PRKG1: variants seen among roughly 807,000 people sequenced by gnomAD.
The protein encoded by PRKG1 is protein kinase cGMP-dependent 1.
PRKG1 carries 35 observed loss-of-function variants against 88.1 expected under a neutral mutation model. That is an observed-to-expected ratio of 0.40 (90% confidence interval 0.30 to 0.53). The LOEUF (loss-of-function observed/expected upper bound fraction) is 0.53, where lower values mean the gene tolerates loss of function less well. Ranked by LOEUF, PRKG1 falls within the 20% of genes least tolerant of loss-of-function variation. The probability of loss-of-function intolerance (pLI) is 0.59; values close to 1 mark genes in which losing one functional copy is unlikely to be tolerated. For missense variants in PRKG1, 540 were observed against 839.8 expected, an observed-to-expected ratio of 0.64 and a Z score of 4.41; for synonymous variants, 303 against 292.5, an observed-to-expected ratio of 1.04 and a Z score of -0.37.
At chr10:52,114,452 C>CT (rs934974543) in intron 7 of PRKG1, among the ~76,000 whole-genome samples, 101 of 148,472 alleles carry the variant, frequency 6.8e-4, no homozygotes, top group Middle Eastern at 3.5e-3. Flanking sequence ...TCTTTTCGTT[C>CT]TTTTTTTTTT....
At chr10:51,719,565 A>G (rs938206456) in intron 3 of PRKG1, among the ~76,000 whole-genome samples, 1 of 152,234 alleles carries the variant, frequency 6.6e-6, no homozygotes, top group Non-Finnish European at 1.5e-5. Flanking sequence ...CTAAGGAGAT[A>G]CAACAGTTAA....
intron 5 of PRKG1, among the ~76,000 whole-genome samples, chr10:51,973,182 A>T (rs1049655254): frequency 6.6e-6 from 1 of 152,142 alleles, no homozygotes; most frequent in Non-Finnish European, 1.5e-5. Flanking sequence ...TGGCTTCATT[A>T]GCACCTCCAG....
chr10:51,175,620 T>C (rs1411332591), intron 2 of PRKG1, among the ~76,000 whole-genome samples: 3 of 152,052 alleles, frequency 2.0e-5, no homozygotes, highest in Non-Finnish European at 4.4e-5. Context: ...ATAAAATTCC[T>C]GAGATATATA....
chr10:51,271,038 C>T lies in PRKG1; in HGVS notation c.478+117708C>T, dbSNP rs1243434343. Among the ~76,000 whole-genome samples the T allele has an allele frequency of 2.0e-5, 3 of 152,142 alleles. No homozygotes were observed. In the East Asian group the frequency reaches 5.8e-4, roughly 29 times the overall value. Reference sequence around the variant, plus strand: ...GTTTTGTCAGTGAGAAATCTAAAACCTTGAGTCATTCAACTCATTTAGGAT... The same window carrying T: ...GTTTTGTCAGTGAGAAATCTAAAACTTTGAGTCATTCAACTCATTTAGGAT... On this transcript the variant is annotated intron_variant, in intron 2 of 17. Transcript: ENST00000373980.
At chr10:52,046,112 A>AT (rs559588539) in intron 5 of PRKG1, among the ~76,000 whole-genome samples, 13 of 152,042 alleles carry the variant, frequency 8.6e-5, no homozygotes, top group East Asian at 1.9e-4. Context: ...TACTATTGTG[A>AT]TTTTTTTGTG....
intron 8 of PRKG1, among the ~76,000 whole-genome samples, chr10:52,158,762 T>C (rs1838194539): frequency 6.6e-6 from 1 of 151,584 alleles, no homozygotes; most frequent in Non-Finnish European, 1.5e-5. Context: ...GTAAAGATTA[T>C]TTATTAAGGA....
intron 4 of PRKG1, among the ~76,000 whole-genome samples, chr10:51,825,679 G>A (rs1839865494): frequency 6.6e-6 from 1 of 152,138 alleles, no homozygotes; most frequent in Admixed American, 6.6e-5. Context: ...ACAATAAGGA[G>A]TAATCTAAAC....
intron 3 of PRKG1, among the ~76,000 whole-genome samples, chr10:51,648,536 C>G (rs17626982): frequency 6.6e-6 from 1 of 152,056 alleles, no homozygotes; most frequent in African/African-American, 2.4e-5. Flanking sequence ...CACTAATCTT[C>G]GCAGTGTTCC....
At chr10:51,496,518 A>T (rs1231186522) in intron 3 of PRKG1, among the ~76,000 whole-genome samples, 1 of 152,156 alleles carries the variant, frequency 6.6e-6, no homozygotes, top group African/African-American at 2.4e-5. Flanking sequence ...GTTAATGGAA[A>T]TGTTCACAGA....
At chr10:51,816,730 C>A (rs536836026) in intron 4 of PRKG1, among the ~76,000 whole-genome samples, 1 of 152,200 alleles carries the variant, frequency 6.6e-6, no homozygotes, top group East Asian at 1.9e-4. Flanking sequence ...CCCAGAAGAA[C>A]TCCAATTAAG....
At chr10:51,171,857 T>C (rs1837034613) in intron 2 of PRKG1, among the ~76,000 whole-genome samples, 1 of 152,096 alleles carries the variant, frequency 6.6e-6, no homozygotes, top group South Asian at 2.1e-4. Context: ...GTTTCCTTAA[T>C]AATAAATTAA....
At chr10:52,177,763 T>C (rs1409439644) in intron 9 of PRKG1, among the ~76,000 whole-genome samples, 1 of 152,014 alleles carries the variant, frequency 6.6e-6, no homozygotes, top group Middle Eastern at 3.2e-3. Flanking sequence ...TTTCTCTAGG[T>C]TTTCAAATTT....
chr10:51,063,066 C>T (rs1843711071), intron 1 of PRKG1: 1 of 152,164 alleles, frequency 6.6e-6, no homozygotes, highest in Admixed American at 6.5e-5. Context: ...GAGAAACATT[C>T]TGTTTTTCTG....
At chr10:51,008,353 C>T (rs185398758) in intron 1 of PRKG1, among the ~76,000 whole-genome samples, 6 of 152,268 alleles carry the variant, frequency 3.9e-5, no homozygotes, top group Non-Finnish European at 1.5e-5. Context: ...TGGAACACAT[C>T]GCCACAAACT....
Position 52,140,917 on chromosome 10 carries a change from G to A in PRKG1, c.1001+7012G>A, listed in dbSNP as rs115204526. 4.7e-3 allele frequency among the ~76,000 whole-genome samples: 713 copies of A among 152,162 alleles called. 4 individuals are homozygous for A. Among genetic ancestry groups the A allele is most frequent in the Middle Eastern group, 6.8e-3 (2 of 294 alleles). On this transcript the variant is annotated intron_variant, in intron 8 of 17. Coordinates refer to ENST00000373980, the MANE Select transcript of PRKG1 (RefSeq NM_006258.4). ...ATGAACTCCACATGTCACATCGCCC[G>A]TTGTCACATTGCTTAACTAATAGGA...
intron 3 of PRKG1, among the ~76,000 whole-genome samples, chr10:51,579,903 A>C (rs1434317659): frequency 2.0e-5 from 3 of 152,160 alleles, no homozygotes; most frequent in African/African-American, 7.2e-5. Context: ...TGGATATATG[A>C]AATCAAACTG....
intron 2 of PRKG1, among the ~76,000 whole-genome samples, chr10:51,304,115 C>T (rs1391130721): frequency 1.3e-5 from 2 of 151,942 alleles, no homozygotes; most frequent in South Asian, 2.1e-4. Context: ...CCACCGTGCC[C>T]GGACAAAATA....
intron 3 of PRKG1, among the ~76,000 whole-genome samples, chr10:51,522,324 T>C (rs534412913): frequency 1.3e-5 from 2 of 152,344 alleles, no homozygotes; most frequent in South Asian, 4.1e-4. Context: ...CACATAGGTA[T>C]TCAGGCAGAC....
chr10:51,897,767 T>C (rs1803256173), intron 4 of PRKG1, among the ~76,000 whole-genome samples: 1 of 152,152 alleles, frequency 6.6e-6, no homozygotes, highest in South Asian at 2.1e-4. Flanking sequence ...TTCCATGCTG[T>C]CCAGCCCTCC....
Sources: allele counts gnomAD v4.1 joint callset (sites outside exome capture counted in the v4.1 genomes callset), GRCh38; gene constraint gnomAD v4.1.1; transcripts MANE v1.5; gene names NCBI Gene and HGNC (gene_info 2026-07-23, HGNC 2026-07-21).